The following MACROD2 variants were observed in gnomAD, a reference collection of about 807,000 sequenced individuals.
The protein encoded by MACROD2 is mono-ADP ribosylhydrolase 2.
A neutral mutation model predicts 70.4 loss-of-function variants in MACROD2; 36 were observed. That is an observed-to-expected ratio of 0.51 (90% CI 0.39 to 0.68). MACROD2 has a LOEUF of 0.68. MACROD2 is among the 30% of genes least tolerant of loss of function. The probability of loss-of-function intolerance (pLI) is 0.00; values close to 1 mark genes in which losing one functional copy is unlikely to be tolerated. For missense variants in MACROD2, 496 were observed against 538.4 expected, an observed-to-expected ratio of 0.92 and a Z score of 0.78; for synonymous variants, 172 against 178.8, an observed-to-expected ratio of 0.96 and a Z score of 0.30.
intron 3 of MACROD2, among the ~76,000 whole-genome samples, chr20:14,169,829 A>G (rs1168352352): frequency 6.6e-6 from 1 of 152,022 alleles, no homozygotes; most frequent in South Asian, 2.1e-4. Context: ...TTTTCTTTAT[A>G]TAATCCAAGT....
chr20:14,238,390 C>T (rs1430746160), intron 3 of MACROD2, among the ~76,000 whole-genome samples: 1 of 152,030 alleles, frequency 6.6e-6, no homozygotes, highest in Non-Finnish European at 1.5e-5. Context: ...ACACACCAGG[C>T]GTTGAAGGAA....
intron 5 of MACROD2, among the ~76,000 whole-genome samples, chr20:14,990,503 T>TTTTTTC (rs1432553758): frequency 6.6e-6 from 1 of 151,170 alleles, no homozygotes; most frequent in East Asian, 1.9e-4. Flanking sequence ...TTTCCTTTTT[T>TTTTTTC]TTTTTCTTTT....
At chr20:15,358,055 G>C (rs946814124) in intron 6 of MACROD2, among the ~76,000 whole-genome samples, 1 of 152,016 alleles carries the variant, frequency 6.6e-6, no homozygotes, top group South Asian at 2.1e-4. Flanking sequence ...TGATCCGCCC[G>C]CTTTGGCCTC....
At chr20:14,778,262 C>T (rs904386924) in intron 5 of MACROD2, among the ~76,000 whole-genome samples, 16 of 152,042 alleles carry the variant, frequency 1.1e-4, no homozygotes, top group African/African-American at 2.9e-4. Context: ...ATCTGATGGA[C>T]GACACAAACG....
chr20:15,693,354 T>C (rs1005173949), intron 8 of MACROD2, among the ~76,000 whole-genome samples: 1 of 152,218 alleles, frequency 6.6e-6, no homozygotes, highest in African/African-American at 2.4e-5. Flanking sequence ...AGATAGTGTC[T>C]TGTATCCTAT....
chr20:15,236,183 ACTTTT>A (rs2145995567), intron 6 of MACROD2, among the ~76,000 whole-genome samples: 1 of 152,300 alleles, frequency 6.6e-6, no homozygotes, highest in East Asian at 1.9e-4. Flanking sequence ...CTAACTCAAG[ACTTTT>A]CCTTTCTTCT....
chr20:15,012,125 A>C (rs1213010351), intron 5 of MACROD2, among the ~76,000 whole-genome samples: 6 of 152,194 alleles, frequency 3.9e-5, no homozygotes. Context: ...GGTCACAAAA[A>C]CCTGACTGAA....
At chr20:14,606,069 A>G (rs746467245) in intron 4 of MACROD2, among the ~76,000 whole-genome samples, 2 of 152,172 alleles carry the variant, frequency 1.3e-5, no homozygotes, top group Non-Finnish European at 2.9e-5. Flanking sequence ...TTAAAGTTGT[A>G]AAATAGAATG....
chr20:15,623,921 A>T (rs899064230), intron 8 of MACROD2, among the ~76,000 whole-genome samples: 1 of 152,198 alleles, frequency 6.6e-6, no homozygotes, highest in Non-Finnish European at 1.5e-5. Flanking sequence ...TAATGGATAC[A>T]TATCTATATA....
At chr20:14,793,889 G>A (rs2072480370) in intron 5 of MACROD2, among the ~76,000 whole-genome samples, 1 of 152,024 alleles carries the variant, frequency 6.6e-6, no homozygotes, top group Admixed American at 6.6e-5. Flanking sequence ...AGCTATGGCC[G>A]GGGCTTCTCT....
chr20:14,366,489 C>T (rs535579824), intron 3 of MACROD2, among the ~76,000 whole-genome samples: 15 of 151,808 alleles, frequency 9.9e-5, no homozygotes, highest in African/African-American at 3.6e-4. Flanking sequence ...GCCTCAGCCT[C>T]CCAAGTAGCT....
At chr20:15,038,945 A>G (rs2075334473) in intron 5 of MACROD2, among the ~76,000 whole-genome samples, 1 of 152,168 alleles carries the variant, frequency 6.6e-6, no homozygotes, top group South Asian at 2.1e-4. Flanking sequence ...TAGGTCAACT[A>G]ATAATTGAGG....
chr20:15,359,075 G>A (rs1050836275), intron 6 of MACROD2, among the ~76,000 whole-genome samples: 23 of 152,088 alleles, frequency 1.5e-4, no homozygotes, highest in Non-Finnish European at 3.2e-4. Flanking sequence ...AGCTTTATTA[G>A]CAACAGCCAC....
intron 5 of MACROD2, among the ~76,000 whole-genome samples, chr20:14,782,727 C>T (rs1040095076): frequency 2.6e-5 from 4 of 152,148 alleles, no homozygotes; most frequent in African/African-American, 9.7e-5. Flanking sequence ...TCCCTCTGCC[C>T]AGTCCTGCTT....
intron 7 of MACROD2, among the ~76,000 whole-genome samples, chr20:15,465,482 T>G (rs1230718262): frequency 6.6e-6 from 1 of 152,260 alleles, no homozygotes; most frequent in African/African-American, 2.4e-5. Flanking sequence ...GACAAATGCT[T>G]GGCAATCTCG....
At chr20:15,342,278 C>T (rs190338767) in intron 6 of MACROD2, among the ~76,000 whole-genome samples, 219 of 152,282 alleles carry the variant, frequency 1.4e-3, no homozygotes, top group Admixed American at 2.7e-3. Context: ...TGACAAATGG[C>T]CTCCAGAAGT....
chr20:15,880,807 G>C (rs755399440), intron 9 of MACROD2, among the ~76,000 whole-genome samples: 2 of 152,052 alleles, frequency 1.3e-5, no homozygotes. Context: ...GGCATGCACT[G>C]AATTGTCAAG....
intron 8 of MACROD2, among the ~76,000 whole-genome samples, chr20:15,838,993 G>T (rs756803919): frequency 2.6e-5 from 4 of 152,032 alleles, no homozygotes; most frequent in African/African-American, 4.8e-5. Context: ...CTTATATATG[G>T]ATATGACTAT....
intron 4 of MACROD2, among the ~76,000 whole-genome samples, chr20:14,608,146 C>T (rs534438152): frequency 6.6e-6 from 1 of 152,180 alleles, no homozygotes; most frequent in South Asian, 2.1e-4. Context: ...ATCCTAGCTA[C>T]TTGGGAGGCT....
Sources: gnomAD v4.1 joint callset for allele counts (sites outside exome capture counted in the v4.1 genomes callset) on GRCh38, gnomAD v4.1.1 for gene constraint, MANE v1.5 for transcripts, NCBI Gene and HGNC (gene_info 2026-07-23, HGNC 2026-07-21) for gene names.